THSD7B: variants seen among roughly 807,000 people sequenced by gnomAD.
THSD7B encodes the protein thrombospondin type-1 domain-containing protein 7B.
A neutral mutation model predicts 213.6 loss-of-function variants in THSD7B; 138 were observed. The observed-to-expected ratio is 0.65, with a 90% confidence interval of 0.56 to 0.74. The LOEUF (loss-of-function observed/expected upper bound fraction) is 0.74, where lower values mean the gene tolerates loss of function less well. Among genes scored for constraint, THSD7B ranks in the 30% least tolerant of loss-of-function variants. THSD7B has a pLI of 0.00. For synonymous variants in THSD7B, 742 were observed against 687.0 expected (o/e 1.08, Z -1.25); for missense variants, 1,931 against 1,991.5 (o/e 0.97, Z 0.58).
At chr2:136,945,892 G>A (rs561376180) in intron 2 of THSD7B, among the ~76,000 whole-genome samples, 119 of 151,740 alleles carry the variant, frequency 7.8e-4, no homozygotes, top group Non-Finnish European at 1.5e-3. Flanking sequence ...AGTTCCTTGT[G>A]ATGGGTTTGA....
chr2:137,226,517 T>G (rs1249001787), intron 7 of THSD7B, among the ~76,000 whole-genome samples: 1 of 151,776 alleles, frequency 6.6e-6, no homozygotes, highest in African/African-American at 2.4e-5. Context: ...ACATTTGAAC[T>G]GAAAAAAAGA....
intron 12 of THSD7B, among the ~76,000 whole-genome samples, chr2:137,360,979 T>G (rs1004305547): frequency 6.6e-6 from 1 of 152,148 alleles, no homozygotes; most frequent in Non-Finnish European, 1.5e-5. Flanking sequence ...CTCATACAGC[T>G]GGGTGCCCCT....
intron 2 of THSD7B, among the ~76,000 whole-genome samples, chr2:137,017,778 A>G (rs2104840341): frequency 6.6e-6 from 1 of 152,274 alleles, no homozygotes; most frequent in Non-Finnish European, 1.5e-5. Flanking sequence ...TTCTAATTTA[A>G]AGAGTTGCAC....
chr2:137,309,057 C>A (rs953733970), intron 12 of THSD7B, among the ~76,000 whole-genome samples: 1 of 152,062 alleles, frequency 6.6e-6, no homozygotes, highest in African/African-American at 2.4e-5. Context: ...TAAAGTTTTT[C>A]GTAAATATTT....
intron 2 of THSD7B, among the ~76,000 whole-genome samples, chr2:136,915,173 G>A (rs1684329832): frequency 6.6e-6 from 1 of 152,198 alleles, no homozygotes; most frequent in African/African-American, 2.4e-5. Flanking sequence ...ATGCATTGAA[G>A]TGAGATACTA....
At chr2:137,360,806 A>G in intron 12 of THSD7B, among the ~76,000 whole-genome samples, 1 of 152,220 alleles carries the variant, frequency 6.6e-6, no homozygotes, top group East Asian at 1.9e-4. Context: ...AGGCAGCAGA[A>G]ACTTCTGCAG....
At chr2:137,313,408 C>T (rs1036442875) in intron 12 of THSD7B, among the ~76,000 whole-genome samples, 1 of 149,680 alleles carries the variant, frequency 6.7e-6, no homozygotes, top group Non-Finnish European at 1.5e-5. Context: ...TGTTTCTGCA[C>T]ATGAGATGGG....
At chr2:137,072,817 T>G (rs566350468) in intron 3 of THSD7B, among the ~76,000 whole-genome samples, 1 of 152,104 alleles carries the variant, frequency 6.6e-6, no homozygotes, top group Admixed American at 6.6e-5. Flanking sequence ...GCATGAAGCG[T>G]TGTTGAATTT....
chr2:137,257,679 G>C (rs1374498097), intron 10 of THSD7B, among the ~76,000 whole-genome samples: 1 of 152,140 alleles, frequency 6.6e-6, no homozygotes, highest in East Asian at 1.9e-4. Flanking sequence ...AGTCTTTATT[G>C]GCTTTCTCTC....
chr2:137,206,946 G>C (rs537541131), intron 7 of THSD7B, among the ~76,000 whole-genome samples: 1 of 152,200 alleles, frequency 6.6e-6, no homozygotes, highest in East Asian at 1.9e-4. Flanking sequence ...GTATATCTTT[G>C]TGGGATTTCG....
chr2:136,951,441 T>A (rs1293639069), intron 2 of THSD7B, among the ~76,000 whole-genome samples: 2 of 152,236 alleles, frequency 1.3e-5, no homozygotes, highest in Non-Finnish European at 2.9e-5. Context: ...GGAAATGCTG[T>A]TAGAATTCAT....
At chr2:137,295,329 TA>T (rs1343367701) in intron 12 of THSD7B, among the ~76,000 whole-genome samples, 1 of 152,166 alleles carries the variant, frequency 6.6e-6, no homozygotes, top group Non-Finnish European at 1.5e-5. Context: ...ATATATCTAT[TA>T]CACAAATGCA....
rs1435978105 is a variant in THSD7B at position 137,271,442 on chromosome 2, TA to T, written c.2267-1089del. ...ATATAATTATATAATATATATAATA[TA>T]ATATATAATATAATATATAATATAA... On this transcript the variant is annotated intron_variant, in intron 10 of 27. Coordinates refer to ENST00000409968, the MANE Select transcript of THSD7B (RefSeq NM_001316349.2). Among the ~76,000 whole-genome samples, 186 of 129,226 alleles carry T rather than the reference TA, an allele frequency of 1.4e-3. 4 individuals carry two copies. In the East Asian group the frequency reaches 0.02, roughly 14 times the overall value. 84.8% of individuals were successfully genotyped at this position (129,226 alleles called of 152,430 possible).
chr2:137,656,014 C>T (rs544598291), intron 22 of THSD7B, among the ~76,000 whole-genome samples: 159 of 152,162 alleles, frequency 1.0e-3, no homozygotes, highest in Non-Finnish European at 1.8e-3. Context: ...CATTGGACAG[C>T]GTTCAAAAAA....
chr2:137,460,685 T>G (rs1348026694), intron 15 of THSD7B, among the ~76,000 whole-genome samples: 1 of 152,106 alleles, frequency 6.6e-6, no homozygotes, highest in Non-Finnish European at 1.5e-5. Flanking sequence ...GAGTGTGTAA[T>G]TCTTTGGCCC....
intron 2 of THSD7B, among the ~76,000 whole-genome samples, chr2:136,967,288 C>T (rs1433402332): frequency 2.6e-5 from 4 of 152,210 alleles, no homozygotes; most frequent in African/African-American, 4.8e-5. Flanking sequence ...GGAACTTGCT[C>T]ATATTCCTGG....
chr2:137,230,528 A>G (rs796843603), intron 7 of THSD7B, among the ~76,000 whole-genome samples: 125 of 152,320 alleles, frequency 8.2e-4, no homozygotes, highest in African/African-American at 3.0e-3. Flanking sequence ...GTCCATTTTC[A>G]TTTTAGTTTC....
At chr2:137,087,492 T>A (rs996323590) in intron 3 of THSD7B, among the ~76,000 whole-genome samples, 3 of 152,150 alleles carry the variant, frequency 2.0e-5, no homozygotes, top group African/African-American at 7.2e-5. Context: ...TATCAGTAGC[T>A]CTTCTATATA....
intron 27 of THSD7B, among the ~76,000 whole-genome samples, chr2:137,669,137 T>C (rs957637595): frequency 1.3e-5 from 2 of 152,306 alleles, no homozygotes; most frequent in Non-Finnish European, 2.9e-5. Flanking sequence ...AATAAATATA[T>C]TTATATTCAT....
Sources: gnomAD v4.1 joint callset for allele counts (sites outside exome capture counted in the v4.1 genomes callset) on GRCh38, gnomAD v4.1.1 for gene constraint, MANE v1.5 for transcripts, NCBI Gene and HGNC (gene_info 2026-07-23, HGNC 2026-07-21) for gene names.